Variants in SSBP2 observed in about 807,000 individuals in gnomAD.
The protein encoded by SSBP2 is single stranded DNA binding protein 2.
SSBP2 carries 17 observed loss-of-function variants against 61.8 expected under a neutral mutation model. That is an observed-to-expected ratio of 0.28 (90% confidence interval 0.19 to 0.41). The LOEUF is 0.41. Among genes scored for constraint, SSBP2 ranks in the 10% least tolerant of loss-of-function variants. The probability of loss-of-function intolerance (pLI) is 1.00; values close to 1 mark genes in which losing one functional copy is unlikely to be tolerated. For missense variants in SSBP2, 310 were observed against 458.7 expected (o/e 0.68, Z 2.96); for synonymous variants, 139 against 141.3 (o/e 0.98, Z 0.12).
chr5:81,585,630 A>G (rs1775002443), intron 4 of SSBP2, among the ~76,000 whole-genome samples: 1 of 152,120 alleles, frequency 6.6e-6, no homozygotes, highest in Non-Finnish European at 1.5e-5. Flanking sequence ...AAGCTAATTA[A>G]CATATCTATT....
At chr5:81,627,997 G>A (rs1747342430) in intron 3 of SSBP2, among the ~76,000 whole-genome samples, 1 of 151,950 alleles carries the variant, frequency 6.6e-6, no homozygotes, top group East Asian at 1.9e-4. Context: ...CCCGGGAGAT[G>A]GAGGCTGCAG....
chr5:81,518,987 A>C (rs1319341163), intron 4 of SSBP2, among the ~76,000 whole-genome samples: 1 of 152,154 alleles, frequency 6.6e-6, no homozygotes, highest in Non-Finnish European at 1.5e-5. Context: ...TTAATAGGCT[A>C]CTGAATTATA....
chr5:81,562,129 C>A (rs746203962), intron 4 of SSBP2, among the ~76,000 whole-genome samples: 1 of 151,944 alleles, frequency 6.6e-6, no homozygotes, highest in Non-Finnish European at 1.5e-5. Flanking sequence ...TGGTCTTGAA[C>A]TCCTGACCTC....
At chr5:81,537,201 TG>T (rs1250520601) in intron 4 of SSBP2, among the ~76,000 whole-genome samples, 1 of 152,056 alleles carries the variant, frequency 6.6e-6, no homozygotes, top group African/African-American at 2.4e-5. Flanking sequence ...TCCAAATTTT[TG>T]GGGGGGATTT....
At chr5:81,527,328 G>A (rs1401850734) in intron 4 of SSBP2, among the ~76,000 whole-genome samples, 1 of 152,058 alleles carries the variant, frequency 6.6e-6, no homozygotes, top group Non-Finnish European at 1.5e-5. Context: ...TTGGGCAGTG[G>A]TGGAGAAGAA....
intron 5 of SSBP2, among the ~76,000 whole-genome samples, chr5:81,501,014 A>G (rs1429447122): frequency 2.0e-5 from 3 of 149,230 alleles, no homozygotes; most frequent in South Asian, 2.1e-4. Flanking sequence ...AGGAGTTTGA[A>G]ACCAGCCTGG....
intron 6 of SSBP2, among the ~76,000 whole-genome samples, chr5:81,486,388 C>T (rs888443530): frequency 2.6e-5 from 4 of 152,134 alleles, no homozygotes; most frequent in Non-Finnish European, 4.4e-5. Context: ...GTATCTTATA[C>T]ATGGCAGGCA....
At chr5:81,477,158 T>C (rs1031211651) in intron 6 of SSBP2, among the ~76,000 whole-genome samples, 2 of 152,198 alleles carry the variant, frequency 1.3e-5, no homozygotes, top group Admixed American at 6.5e-5. Flanking sequence ...TAATTCCTTT[T>C]AGTGGAGGAC....
chr5:81,613,035 T>A (rs1287762702), intron 4 of SSBP2, among the ~76,000 whole-genome samples: 1 of 152,094 alleles, frequency 6.6e-6, no homozygotes, highest in African/African-American at 2.4e-5. Context: ...AATGTATTTT[T>A]AAAAATCCAA....
chr5:81,519,190 A>C (rs1389114887), intron 4 of SSBP2, among the ~76,000 whole-genome samples: 1 of 152,264 alleles, frequency 6.6e-6, no homozygotes, highest in East Asian at 1.9e-4. Flanking sequence ...CTACTTATTG[A>C]AAGTTAAAAG....
intron 1 of SSBP2, among the ~76,000 whole-genome samples, chr5:81,710,232 A>AG (rs1161170019): frequency 2.0e-5 from 3 of 152,094 alleles, no homozygotes; most frequent in Non-Finnish European, 2.9e-5. Flanking sequence ...AAGTAATGGT[A>AG]GTAGACAGAC....
chr5:81,557,053 C>T (rs1405584339), intron 4 of SSBP2, among the ~76,000 whole-genome samples: 1 of 152,230 alleles, frequency 6.6e-6, no homozygotes, highest in East Asian at 1.9e-4. Flanking sequence ...TTCCTTCATA[C>T]TCTGGTACTC....
chr5:81,685,336 T>A (rs1752693133), intron 1 of SSBP2, among the ~76,000 whole-genome samples: 1 of 152,178 alleles, frequency 6.6e-6, no homozygotes, highest in African/African-American at 2.4e-5. Context: ...ACTGATAGGA[T>A]ATATAAGAAT....
intron 3 of SSBP2, among the ~76,000 whole-genome samples, chr5:81,635,684 C>T (rs965870432): frequency 2.6e-5 from 4 of 151,360 alleles, no homozygotes; most frequent in East Asian, 3.9e-4. Flanking sequence ...CCCGGGTTCA[C>T]GCCATTCTCC....
At chr5:81,494,318 T>C (rs373200099) in intron 5 of SSBP2, among the ~76,000 whole-genome samples, 1 of 152,246 alleles carries the variant, frequency 6.6e-6, no homozygotes, top group South Asian at 2.1e-4. Flanking sequence ...GTTAGTACTC[T>C]GACATACGGA....
Position 81,440,016 on chromosome 5 carries a change from C to G in SSBP2, c.928+542G>C, listed in dbSNP as rs139509337. On this transcript the variant is annotated intron_variant, in intron 14 of 16. Coordinates refer to ENST00000320672, the MANE Select transcript of SSBP2 (RefSeq NM_012446.5). ...ATCAGTCACTTGAAATGGTCTTTAT[C>G]ACGAAGACAATGTAGGCAGTGTTCT... is the stretch of plus-strand genomic sequence containing the variant. Among the ~76,000 whole-genome samples the G allele has an allele frequency of 1.2e-4, 18 of 152,172 alleles. No homozygotes were observed. The East Asian group carries it at 3.5e-3, about 29-fold the overall frequency.
At chr5:81,747,166 CA>C (rs1757410783) in intron 1 of SSBP2, among the ~76,000 whole-genome samples, 1 of 152,054 alleles carries the variant, frequency 6.6e-6, no homozygotes, top group South Asian at 2.1e-4. Flanking sequence ...CATATTTGAT[CA>C]AATCTTTAAA....
chr5:81,726,564 A>G (rs943355604), intron 1 of SSBP2, among the ~76,000 whole-genome samples: 16 of 152,308 alleles, frequency 1.1e-4, no homozygotes, highest in Non-Finnish European at 1.2e-4. Context: ...AAGTTCCTAA[A>G]CTGTTATTGT....
intron 4 of SSBP2, among the ~76,000 whole-genome samples, chr5:81,546,342 C>T (rs1177996594): frequency 6.6e-6 from 1 of 152,096 alleles, no homozygotes; most frequent in Non-Finnish European, 1.5e-5. Context: ...CAAAATGATT[C>T]CTTTCAGATT....
Sources: gnomAD v4.1 joint callset for allele counts (sites outside exome capture counted in the v4.1 genomes callset) on GRCh38, gnomAD v4.1.1 for gene constraint, MANE v1.5 for transcripts, NCBI Gene and HGNC (gene_info 2026-07-23, HGNC 2026-07-21) for gene names.